TNS1: variants seen among roughly 807,000 people sequenced by gnomAD.
The protein encoded by TNS1 is tensin 1.
A neutral mutation model predicts 168.6 loss-of-function variants in TNS1; 62 were observed. The observed-to-expected ratio is 0.37, with a 90% CI of 0.30 to 0.45. The LOEUF is 0.45. Ranked by LOEUF, TNS1 falls within the 20% of genes least tolerant of loss-of-function variation. TNS1 has a pLI of 1.00. For missense variants in TNS1, 2,240 were observed against 2,339.4 expected, an observed-to-expected ratio of 0.96 and a Z score of 0.88; for synonymous variants, 934 against 933.2, an observed-to-expected ratio of 1.00 and a Z score of -0.02.
At chr2:217,933,619 G>A (rs1956443116) in intron 3 of TNS1, among the ~76,000 whole-genome samples, 1 of 152,194 alleles carries the variant, frequency 6.6e-6, no homozygotes, top group African/African-American at 2.4e-5. Flanking sequence ...GCATGAGCCA[G>A]CAGAGATGGG....
intron 28 of TNS1, among the ~76,000 whole-genome samples, chr2:217,812,108 T>C (rs573447292): frequency 6.6e-6 from 1 of 152,322 alleles, no homozygotes; most frequent in African/African-American, 2.4e-5. Context: ...GAGGATTCCA[T>C]ATGAATTTCT....
chr2:218,005,789 T>G (rs1958652420), upstream of TNS1, among the ~76,000 whole-genome samples: 1 of 152,256 alleles, frequency 6.6e-6, no homozygotes, highest in African/African-American at 2.4e-5. Flanking sequence ...CAAACCTTCC[T>G]TCTTTTCCCT....
At chr2:218,009,161 G>A (rs975023151) in intron 1 of TNS1, among the ~76,000 whole-genome samples, 4 of 152,292 alleles carry the variant, frequency 2.6e-5, no homozygotes, top group African/African-American at 4.8e-5. Flanking sequence ...ACAGGGGACC[G>A]TCCCTGCCCC....
At chr2:217,831,608 C>CCAGGCA in intron 21 of TNS1, 61 bp from the exon 22 acceptor site, 1 of 1,348,702 alleles carries the variant, frequency 7.4e-7, no homozygotes, top group South Asian at 1.7e-5. Flanking sequence ...GGCAGACACG[C>CCAGGCA]CAGGCACGTG....
chr2:217,861,480 C>T (rs1417909916), intron 18 of TNS1, among the ~76,000 whole-genome samples: 1 of 152,212 alleles, frequency 6.6e-6, no homozygotes, highest in Non-Finnish European at 1.5e-5. Flanking sequence ...GCACAACAGG[C>T]CTGTCACCTC....
intron 19 of TNS1, among the ~76,000 whole-genome samples, chr2:217,840,398 C>G (rs1945789929): frequency 6.6e-6 from 1 of 152,242 alleles, no homozygotes; most frequent in Non-Finnish European, 1.5e-5. Context: ...GAAGCATCCA[C>G]AAGGTCCAGG....
Position 217,884,147 on chromosome 2 carries a change from GTGGA to G in TNS1, c.1246+884_1246+887del, listed in dbSNP as rs562041033. 1.1e-3 allele frequency among the ~76,000 whole-genome samples: 129 copies of G among 119,662 alleles called. 1 individual carries two copies. In the East Asian group the frequency reaches 0.026, roughly 24 times the overall value. 78.5% of individuals were successfully genotyped at this position (119,662 alleles called of 152,430 possible). ...GCTTGGTGGGTGGGTGGGTGGGTGG[GTGGA>G]TGGATGGATGGATGGATGGATGGAT... On this transcript the variant is annotated intron_variant, in intron 16 of 32. Coordinates refer to ENST00000682258, the MANE Select transcript of TNS1 (RefSeq NM_001387777.1).
In TNS1 at chr2:217,848,687, A is replaced by G. The variant is rs376570613; in HGVS notation, c.1830T>C (p.Val610=). The stretch of plus-strand genomic sequence containing the variant: ...ATGCTAACGCCCCACCATTGACATG[A>G]ACCTGGGCTGGGACAACGTGGCGTC... The part of the protein sequence containing the change: ...SSGRHVVPAQ[V]HVNGGALASE... Residue 610 remains valine, a synonymous_variant, in exon 19 of 33, where the codon GTT becomes GTC. Coordinates refer to ENST00000682258, the MANE Select transcript of TNS1 (RefSeq NM_001387777.1). 9.3e-6 allele frequency: 15 copies of G among 1,614,068 alleles called. No homozygotes were observed. The highest frequency in any genetic ancestry group is 1.6e-4 in the Middle Eastern group (1 of 6,084).
chr2:218,029,016 G>A (rs1012697136), intron 1 of TNS1, among the ~76,000 whole-genome samples: 5 of 152,222 alleles, frequency 3.3e-5, no homozygotes, highest in African/African-American at 1.2e-4. Context: ...GGAGGCAGTG[G>A]CTGGCTTCTT....
intron 19 of TNS1, among the ~76,000 whole-genome samples, chr2:217,837,177 T>C (rs925615633): frequency 6.6e-6 from 1 of 152,134 alleles, no homozygotes; most frequent in African/African-American, 2.4e-5. Context: ...CCACTAGGAC[T>C]TAACAAAGGC....
intron 21 of TNS1, among the ~76,000 whole-genome samples, 161 bp downstream of exon 21, chr2:217,834,930 A>G (rs1944954424): frequency 6.6e-6 from 1 of 152,178 alleles, no homozygotes. Flanking sequence ...GGCCACAAGC[A>G]ATGGAAGAGA....
At chr2:217,888,726 T>C (rs1055826795) in intron 12 of TNS1, among the ~76,000 whole-genome samples, 1 of 152,230 alleles carries the variant, frequency 6.6e-6, no homozygotes, top group African/African-American at 2.4e-5. Context: ...CATGTGAGAT[T>C]TGCCTTTCAC....
At chr2:217,997,129 C>G (rs13412236) in intron 1 of TNS1, among the ~76,000 whole-genome samples, 7,007 of 152,174 alleles carry the variant, frequency 0.046, 499 homozygotes, top group African/African-American at 0.15. Context: ...CAGGGGTCTT[C>G]CCAGATACCC....
chr2:217,936,579 T>C (rs1445383532), intron 3 of TNS1, among the ~76,000 whole-genome samples: 2 of 152,090 alleles, frequency 1.3e-5, no homozygotes, highest in African/African-American at 4.8e-5. Flanking sequence ...GCTTGAGGCC[T>C]GCCCCTAGGA....
intron 1 of TNS1, among the ~76,000 whole-genome samples, chr2:218,016,283 T>C (rs918176418): frequency 9.2e-5 from 14 of 152,138 alleles, no homozygotes; most frequent in Non-Finnish European, 1.6e-4. Context: ...GGATCCAAGA[T>C]GATGCAGAGA....
At chr2:217,929,442 G>A (rs1301197864) in intron 3 of TNS1, among the ~76,000 whole-genome samples, 1 of 152,148 alleles carries the variant, frequency 6.6e-6, no homozygotes, top group East Asian at 1.9e-4. Context: ...CAGGCCCAGG[G>A]AGCACAAGAC....
At position 217,978,409 on chromosome 2, in the gene TNS1, A is replaced by C. The variant is rs1302881743; in HGVS notation, c.186+356T>G. ...GGTTGTGCGCGGCCCGGGGTAATTG[A>C]AATGGATCCCCTCCCCCTTTCCCTC... On this transcript the variant is annotated intron_variant, in intron 3 of 32. Coordinates refer to ENST00000682258, the MANE Select transcript of TNS1 (RefSeq NM_001387777.1). Among the ~76,000 whole-genome samples, 11 of 152,032 alleles carry C rather than the reference A, an allele frequency of 7.2e-5. No homozygotes were observed. The East Asian group carries it at 2.1e-3, about 30-fold the overall frequency.
chr2:217,892,981 G>T lies in TNS1; in HGVS notation c.749C>A (p.Ala250Glu). Residue 250 changes from alanine to glutamate, a missense_variant, in exon 11 of 33, where the codon GCG becomes GAG. Transcript: ENST00000682258. ...AATGTTGCTGTAGTGCATGTAAGCC[G>T]CGATGACAACTCCTATCCTGCCTCG... Reference protein sequence around the residue: ...GNRGRIGVVIAAYMHYSNISA... With the variant: ...GNRGRIGVVIEAYMHYSNISA... The T allele has an allele frequency of 6.2e-7, 1 of 1,614,168 alleles. No homozygotes were observed.
chr2:217,827,627 C>G (rs1218162551), intron 22 of TNS1, among the ~76,000 whole-genome samples: 1 of 152,192 alleles, frequency 6.6e-6, no homozygotes, highest in Non-Finnish European at 1.5e-5. Context: ...GACAGGAGAC[C>G]AATAACTCCA....
Sources: allele counts gnomAD v4.1 joint callset (sites outside exome capture counted in the v4.1 genomes callset), GRCh38; gene constraint gnomAD v4.1.1; transcripts MANE v1.5; gene names NCBI Gene and HGNC (gene_info 2026-07-23, HGNC 2026-07-21).